The following TXNL4A variants were observed in gnomAD, a reference collection of about 807,000 sequenced individuals.
TXNL4A encodes thioredoxin like 4A, also known as thioredoxin-like protein 4A.
In TXNL4A, 17 loss-of-function variants were observed where a neutral mutation model predicts 14.6. The ratio of observed to expected loss-of-function variants is 1.16; its 90% CI spans 0.80 to 1.74. The LOEUF (loss-of-function observed/expected upper bound fraction) is 1.74. TXNL4A is among the 40% of genes most tolerant of loss of function. The pLI is 0.00. For missense variants in TXNL4A, 74 were observed against 195.2 expected, an observed-to-expected ratio of 0.38 and a Z score of 3.70; for synonymous variants, 83 against 70.6, an observed-to-expected ratio of 1.18 and a Z score of -0.88.
At chr18:80,013,122 A>AATT (rs1491451573) in intron 1 of TXNL4A, among the ~76,000 whole-genome samples, 1 of 96,130 alleles carries the variant, frequency 1.0e-5, no homozygotes, top group African/African-American at 3.6e-5. Flanking sequence ...AAAAAAAAAA[A>AATT]TTTTTTTTTT....
rs902807351 is a variant in TXNL4A, at chr18:79,988,445, C to A, written c.-53G>T. The A allele has an allele frequency of 2.3e-5, 31 of 1,347,638 alleles. 1 individual carries two copies. The highest frequency in any genetic ancestry group is 2.9e-5 in the Admixed American group (1 of 34,766). 83.5% of individuals were successfully genotyped at this position (1,347,638 alleles called of 1,614,324 possible). ...AGGCGGGGCGCCAGGGAGGGCCCAG[C>A]GAGGTGGGCTCAGCCGGCCCCTCAC... On this transcript the variant is annotated 5_prime_UTR_variant, in exon 1 of 3. Coordinates refer to ENST00000269601, the MANE Select transcript of TXNL4A (RefSeq NM_006701.5).
At chr18:80,004,253 C>T (rs1239940183) in intron 1 of TXNL4A, among the ~76,000 whole-genome samples, 3 of 152,084 alleles carry the variant, frequency 2.0e-5, no homozygotes, top group Non-Finnish European at 2.9e-5. Flanking sequence ...GCTTGCCAGG[C>T]GTTTGATGTG....
At chr18:80,009,783 G>A (rs2051757939) in intron 1 of TXNL4A, among the ~76,000 whole-genome samples, 1 of 152,208 alleles carries the variant, frequency 6.6e-6, no homozygotes, top group Non-Finnish European at 1.5e-5. Context: ...TTCCCTTGGA[G>A]CTGGCTGTCC....
intron 2 of TXNL4A, among the ~76,000 whole-genome samples, chr18:79,976,489 G>C (rs879661230): frequency 1.3e-4 from 20 of 152,036 alleles, no homozygotes; most frequent in African/African-American, 1.9e-4. Flanking sequence ...AGCCAGACTC[G>C]GCCCACAACC....
intron 1 of TXNL4A, among the ~76,000 whole-genome samples, chr18:80,007,942 T>C (rs1032950979): frequency 3.9e-5 from 6 of 152,078 alleles, no homozygotes; most frequent in Admixed American, 2.0e-4. Context: ...CAGATGATTT[T>C]TGCCCTCCTC....
intron 1 of TXNL4A, among the ~76,000 whole-genome samples, chr18:80,014,980 G>A (rs1206215067): frequency 6.6e-6 from 1 of 152,248 alleles, no homozygotes; most frequent in East Asian, 1.9e-4. Context: ...AGCCTCTGAA[G>A]TCACAGCCCA....
chr18:79,999,342 C>T (rs1184329967), intron 1 of TXNL4A, among the ~76,000 whole-genome samples: 1 of 151,976 alleles, frequency 6.6e-6, no homozygotes, highest in African/African-American at 2.4e-5. Context: ...TCAAGACCAG[C>T]CTGGCCGACA....
At chr18:79,991,087 G>A (rs1312899950), upstream of TXNL4A, among the ~76,000 whole-genome samples, 4 of 137,202 alleles carry the variant, frequency 2.9e-5, no homozygotes, top group African/African-American at 1.2e-4. Context: ...CAGCCTGGGC[G>A]ACAGAGCCAG....
chr18:80,017,003 G>A (rs1461225229), intron 1 of TXNL4A, among the ~76,000 whole-genome samples: 1 of 151,550 alleles, frequency 6.6e-6, no homozygotes, highest in African/African-American at 2.4e-5. Context: ...AGCATGGAAT[G>A]TTCTTCCATT....
At chr18:79,984,472 T>C (rs2051512899) in intron 1 of TXNL4A, among the ~76,000 whole-genome samples, 1 of 152,268 alleles carries the variant, frequency 6.6e-6, no homozygotes, top group East Asian at 1.9e-4. Context: ...GGTGCAGGCC[T>C]GTAGTCCCAG....
At chr18:80,032,550 A>C (rs1289403049) in intron 1 of TXNL4A, among the ~76,000 whole-genome samples, 1 of 152,092 alleles carries the variant, frequency 6.6e-6, no homozygotes, top group Non-Finnish European at 1.5e-5. Flanking sequence ...TTGAAATTTC[A>C]CCATGGTGGC....
At chr18:80,000,360 C>G (rs2051690843) in intron 1 of TXNL4A, among the ~76,000 whole-genome samples, 1 of 152,166 alleles carries the variant, frequency 6.6e-6, no homozygotes, top group Non-Finnish European at 1.5e-5. Flanking sequence ...GTGACTCTTG[C>G]TATGTTTTAG....
chr18:80,020,925 T>C (rs1177778943), intron 1 of TXNL4A, among the ~76,000 whole-genome samples: 1 of 152,190 alleles, frequency 6.6e-6, no homozygotes, highest in Non-Finnish European at 1.5e-5. Context: ...TCACTGAAGT[T>C]TGACAGAGCT....
At chr18:80,009,248 G>C (rs552679175) in intron 1 of TXNL4A, among the ~76,000 whole-genome samples, 3 of 152,164 alleles carry the variant, frequency 2.0e-5, no homozygotes, top group Non-Finnish European at 4.4e-5. Flanking sequence ...TTAGCAGCTC[G>C]AATGGAATGG....
At chr18:80,029,556 C>G (rs1182601031) in intron 1 of TXNL4A, among the ~76,000 whole-genome samples, 2 of 152,204 alleles carry the variant, frequency 1.3e-5, no homozygotes, top group Non-Finnish European at 2.9e-5. Context: ...GACAGGGGAA[C>G]TCACTTTACT....
In TXNL4A at chr18:79,971,938, C is replaced by A. The variant is rs1365977882; in HGVS notation, c.*1747G>T. ...ACTCGAGGTCACATACACGTTCTCC[C>A]TAGCCCCTCATTCCGATACGCTGTT... On this transcript the variant is annotated 3_prime_UTR_variant, in exon 3 of 3. Transcript: ENST00000269601. 1 of 152,188 alleles carries A rather than the reference C, an allele frequency of 6.6e-6. No individual in the cohort carries two copies. The highest frequency in any genetic ancestry group is 1.5e-5 in the Non-Finnish European group (1 of 68,028). 9.4% of individuals were successfully genotyped at this position (152,188 alleles called of 1,614,324 possible).
chr18:80,029,842 T>C (rs2051909926), intron 1 of TXNL4A, among the ~76,000 whole-genome samples: 3 of 152,150 alleles, frequency 2.0e-5, no homozygotes, highest in Admixed American at 2.0e-4. Flanking sequence ...GGGAGATATA[T>C]TGCAACATTG....
chr18:79,989,848 T>C (rs2051613342), upstream of TXNL4A, among the ~76,000 whole-genome samples: 1 of 151,978 alleles, frequency 6.6e-6, no homozygotes, highest in African/African-American at 2.4e-5. Flanking sequence ...TACAAAAAAT[T>C]ACCCGGGCAT....
intron 2 of TXNL4A, 132 bp from the exon 3 acceptor site, chr18:79,973,988 G>T: frequency 8.1e-7 from 1 of 1,231,948 alleles, no homozygotes; most frequent in Non-Finnish European, 1.1e-6. Context: ...AAAATCGAGA[G>T]TGTATGCCAT....
Sources: allele counts gnomAD v4.1 joint callset (sites outside exome capture counted in the v4.1 genomes callset), GRCh38; gene constraint gnomAD v4.1.1; transcripts MANE v1.5; gene names NCBI Gene and HGNC (gene_info 2026-07-23, HGNC 2026-07-21).